The following ADD2 variants were observed in gnomAD, a reference collection of about 807,000 sequenced individuals.
ADD2 encodes adducin 2.
A neutral mutation model predicts 83.0 loss-of-function variants in ADD2; 23 were observed. The ratio of observed to expected loss-of-function variants is 0.28; its 90% CI spans 0.20 to 0.39. The LOEUF (loss-of-function observed/expected upper bound fraction) is 0.39. Among genes scored for constraint, ADD2 ranks in the 10% least tolerant of loss-of-function variants. ADD2 has a pLI of 1.00. For missense variants in ADD2, 758 were observed against 944.9 expected, an observed-to-expected ratio of 0.80 and a Z score of 2.59; for synonymous variants, 375 against 375.4, an observed-to-expected ratio of 1.00 and a Z score of 0.01.
chr2:70,745,793 G>A (rs2104513540), intron 1 of ADD2, among the ~76,000 whole-genome samples: 1 of 152,238 alleles, frequency 6.6e-6, no homozygotes, highest in East Asian at 1.9e-4. Context: ...TATGTGAGGT[G>A]GTATCCAAGG....
At chr2:70,739,039 T>G (rs1673734981) in intron 1 of ADD2, among the ~76,000 whole-genome samples, 1 of 152,016 alleles carries the variant, frequency 6.6e-6, no homozygotes, top group Non-Finnish European at 1.5e-5. Flanking sequence ...AATTGACAAA[T>G]GGGATCTAAG....
chr2:70,666,423 C>G (rs1287114717), intron 15 of ADD2, among the ~76,000 whole-genome samples: 1 of 152,198 alleles, frequency 6.6e-6, no homozygotes, highest in Non-Finnish European at 1.5e-5. Flanking sequence ...ATGCCCTGGT[C>G]TTCCCTCTCA....
intron 1 of ADD2, among the ~76,000 whole-genome samples, chr2:70,762,517 A>G (rs1487647773): frequency 6.6e-6 from 1 of 151,614 alleles, no homozygotes; most frequent in Non-Finnish European, 1.5e-5. Flanking sequence ...GTCCTGGGCA[A>G]TCAGGGCCCT....
chr2:70,695,799 C>T lies in ADD2; in HGVS notation c.477G>A (p.Leu159=). ...AGTGGTCCTGCTCCTTGCTGACTCT[C>T]AACTGGAGGAAAGACACAAGTTCTC... ...WAQLSDTYVT[L]RVSKEQDHFL... is the part of the protein sequence containing the mutation. Residue 159 remains leucine (L), a splice_region_variant and synonymous_variant, in exon 6 of 16, where the codon TTG becomes TTA. Transcript: ENST00000264436. 6.2e-7 allele frequency: 1 copy of T among 1,614,010 alleles called. No homozygotes were observed. The highest frequency in any genetic ancestry group is 8.5e-7 in the Non-Finnish European group (1 of 1,179,970).
intron 14 of ADD2, 26 bp from the exon 15 acceptor site, chr2:70,673,032 G>C: frequency 1.2e-6 from 2 of 1,604,950 alleles, no homozygotes; most frequent in Non-Finnish European, 1.7e-6. Flanking sequence ...AACACCTCAG[G>C]ATAGAGGTCA....
rs747804135 is a variant in ADD2, at chr2:70,706,510, C to T, written c.-34-68G>A. The T allele has an allele frequency of 7.2e-7, 1 of 1,391,028 alleles. No homozygotes were observed. The highest frequency in any genetic ancestry group is 1.4e-5 in the African/African-American group (1 of 69,682). The allele number at this position is 1,391,028 out of a possible 1,614,324, so 86.2% of individuals were successfully genotyped here. ...CCATCGGGGTACACGTTTCTCAGAG[C>T]ACAGGGCTAGGTTCAGTTGGATTCT... On this transcript the variant is annotated intron_variant, in intron 2 of 15. Coordinates refer to ENST00000264436, the MANE Select transcript of ADD2 (RefSeq NM_001617.4). The surrounding 1 kb of genome is among the most constrained non-coding windows in gnomAD (Gnocchi z 5.0).
intron 1 of ADD2, among the ~76,000 whole-genome samples, chr2:70,714,471 G>T (rs1401461692): frequency 6.6e-6 from 1 of 152,224 alleles, no homozygotes; most frequent in African/African-American, 2.4e-5. Context: ...CTAAGGCTCA[G>T]CCTCCTCCTC....
Position 70,742,694 on chromosome 2 carries a change from G to C in ADD2, c.-154+25192C>G, listed in dbSNP as rs1351475060. ...AAACAAAGTACTGTAGCCATTATCT[G>C]TCTTTGGGGCTGACCTTTTAGGGCA... On this transcript the variant is annotated intron_variant, in intron 1 of 15. Transcript: ENST00000264436. Among the ~76,000 whole-genome samples the C allele has an allele frequency of 9.9e-5, 15 of 152,278 alleles. No individual in the cohort carries two copies. In the East Asian group the frequency reaches 2.9e-3, roughly 29 times the overall value.
At chr2:70,710,790 C>T (rs782146035) in intron 2 of ADD2, among the ~76,000 whole-genome samples, 3 of 152,146 alleles carry the variant, frequency 2.0e-5, no homozygotes, top group Non-Finnish European at 4.4e-5. Context: ...AAATTAACTA[C>T]CTTGAAACGT....
chr2:70,715,384 T>C (rs1424427084), intron 1 of ADD2, among the ~76,000 whole-genome samples: 1 of 152,222 alleles, frequency 6.6e-6, no homozygotes, highest in Middle Eastern at 3.2e-3. Context: ...GCACATGCGT[T>C]GAGAACCTAG....
intron 9 of ADD2, among the ~76,000 whole-genome samples, chr2:70,685,520 C>G (rs1670671942): frequency 6.6e-6 from 1 of 152,158 alleles, no homozygotes; most frequent in Admixed American, 6.5e-5. Flanking sequence ...GACCTGGGCA[C>G]CAGGCTGCCC....
chr2:70,704,263 T>TCCCCCCCCCCCCCACCCC, intron 4 of ADD2, 58 bp downstream of exon 4: 3 of 913,238 alleles, frequency 3.3e-6, no homozygotes, highest in East Asian at 2.9e-5. Context: ...CTCCCTCTCT[T>TCCCCCCCCCCCCCACCCC]CCCCACCCCA....
At chr2:70,695,619 C>T in intron 6 of ADD2, 102 bp downstream of exon 6, 2 of 1,032,182 alleles carry the variant, frequency 1.9e-6, no homozygotes, top group Non-Finnish European at 3.0e-6. Context: ...GTGAGCTCCA[C>T]AGCGCAACAG....
chr2:70,667,711 C>T lies in ADD2; in HGVS notation c.1871-3976G>A, dbSNP rs572683055. Among the ~76,000 whole-genome samples the T allele has an allele frequency of 1.7e-4, 25 of 149,150 alleles. 1 individual carries two copies. The South Asian group carries it at 5.3e-3, about 31-fold the overall frequency. On this transcript the variant is annotated intron_variant, in intron 15 of 15. Transcript: ENST00000264436. Reference sequence around the variant, plus strand: ...ATAACTCACTGCAACCTCTGCCTCCCGGGTTCAAGTGATTGTCCTGCCTCA... The same window carrying T: ...ATAACTCACTGCAACCTCTGCCTCCTGGGTTCAAGTGATTGTCCTGCCTCA...
intron 2 of ADD2, among the ~76,000 whole-genome samples, chr2:70,710,235 T>G (rs1672108884): frequency 6.6e-6 from 1 of 152,162 alleles, no homozygotes; most frequent in Non-Finnish European, 1.5e-5. Flanking sequence ...ACTCTCAGCT[T>G]CTCTGGGACT....
chr2:70,723,821 G>A (rs1672848224), intron 1 of ADD2, among the ~76,000 whole-genome samples: 1 of 152,120 alleles, frequency 6.6e-6, no homozygotes, highest in Admixed American at 6.5e-5. Flanking sequence ...TCAAAGAATG[G>A]GGTCAGATTT....
rs1671926611 is a variant in ADD2, at chr2:70,706,738, G to A, written c.-34-296C>T. Among the ~76,000 whole-genome samples, 1 of 152,160 alleles carries A rather than the reference G, an allele frequency of 6.6e-6. No individual in the cohort carries two copies. ...CTTGGCTTGGAGTAGAGAGTTCCCCGAATGGAAACATGACCTGCAGACCTT... is the reference window on the plus strand; with the variant it reads ...CTTGGCTTGGAGTAGAGAGTTCCCCAAATGGAAACATGACCTGCAGACCTT... On this transcript the variant is annotated intron_variant, in intron 2 of 15. Transcript: ENST00000264436. This position sits in a 1 kb window ranked among gnomAD's most constrained non-coding sequence, Gnocchi z 5.0.
chr2:70,753,714 G>C (rs1257601958), intron 1 of ADD2, among the ~76,000 whole-genome samples: 1 of 152,232 alleles, frequency 6.6e-6, no homozygotes, highest in East Asian at 1.9e-4. Context: ...AAAGAGGAGT[G>C]AATTCGTCAT....
chr2:70,704,273 A>T (rs782784207), intron 4 of ADD2, 48 bp downstream of exon 4: 2 of 537,660 alleles, frequency 3.7e-6, no homozygotes, highest in Non-Finnish European at 3.0e-6. Flanking sequence ...TCCCCACCCC[A>T]CCCTCCCCTC....
Sources: gnomAD v4.1 joint callset for allele counts (sites outside exome capture counted in the v4.1 genomes callset) on GRCh38, gnomAD v4.1.1 for gene constraint, Gnocchi (gnomAD v3.1) non-coding constraint, MANE v1.5 for transcripts, NCBI Gene and HGNC (gene_info 2026-07-23, HGNC 2026-07-21) for gene names.